Variants in SPIDR observed in about 807,000 individuals in gnomAD.
SPIDR encodes DNA repair-scaffolding protein.
In SPIDR, 93 loss-of-function variants were observed where a neutral mutation model predicts 104.6. The observed-to-expected ratio is 0.89, with a 90% CI of 0.75 to 1.06. The LOEUF (loss-of-function observed/expected upper bound fraction) is 1.06. Ranked by LOEUF, SPIDR falls within the 50% of genes least tolerant of loss-of-function variation. The pLI is 0.00. For synonymous variants in SPIDR, 431 were observed against 416.9 expected, an observed-to-expected ratio of 1.03 and a Z score of -0.41; for missense variants, 1,154 against 1,111.2, an observed-to-expected ratio of 1.04 and a Z score of -0.55.
chr8:47,372,272 T>A (rs970736813), intron 5 of SPIDR, among the ~76,000 whole-genome samples: 1 of 152,212 alleles, frequency 6.6e-6, no homozygotes, highest in Admixed American at 6.5e-5. Flanking sequence ...ATAGTAAACA[T>A]GTAATTAGTG....
At chr8:47,321,754 A>T (rs7828350) in intron 5 of SPIDR, among the ~76,000 whole-genome samples, 1 of 151,936 alleles carries the variant, frequency 6.6e-6, no homozygotes, top group African/African-American at 2.4e-5. Context: ...GAGATATAGA[A>T]CAATGGAACA....
chr8:47,673,331 C>G, intron 10 of SPIDR: 1 of 447,756 alleles, frequency 2.2e-6, no homozygotes, highest in South Asian at 1.6e-5. Flanking sequence ...CAGAGAATGC[C>G]TCTTATTGTT....
chr8:47,379,253 TAAG>T, intron 5 of SPIDR, among the ~76,000 whole-genome samples: 3 of 152,260 alleles, frequency 2.0e-5, no homozygotes, highest in Admixed American at 2.0e-4. Flanking sequence ...CAACATATAA[TAAG>T]AAGTTAGAAG....
Position 47,729,480 on chromosome 8 carries a change from C to A in SPIDR, c.2604+15C>A, listed in dbSNP as rs568346034. The A allele has an allele frequency of 4.2e-4, 671 of 1,590,308 alleles. 2 individuals carry two copies. The highest frequency in any genetic ancestry group is 2.0e-3 in the Middle Eastern group (12 of 6,028). Reference sequence around the variant, plus strand: ...GTGAAGATGGGGTAAGTGCAGGGGGCCCAGCCCAGGGGGCCGCACACTCAG... The same window carrying A: ...GTGAAGATGGGGTAAGTGCAGGGGGACCAGCCCAGGGGGCCGCACACTCAG... On this transcript the variant is annotated intron_variant, in intron 19 of 19. Coordinates refer to ENST00000297423, the MANE Select transcript of SPIDR (RefSeq NM_001080394.4).
intron 5 of SPIDR, among the ~76,000 whole-genome samples, chr8:47,320,359 A>G (rs1407970751): frequency 6.6e-6 from 1 of 152,240 alleles, no homozygotes; most frequent in Non-Finnish European, 1.5e-5. Flanking sequence ...AGAAATGGAT[A>G]CATTCCTGGA....
At chr8:47,399,728 C>G (rs528358020) in intron 6 of SPIDR, among the ~76,000 whole-genome samples, 8 of 152,070 alleles carry the variant, frequency 5.3e-5, no homozygotes, top group Non-Finnish European at 1.0e-4. Context: ...ACAGGAGTTC[C>G]GAGAGTAGCA....
At chr8:47,516,055 C>T (rs910074295) in intron 8 of SPIDR, among the ~76,000 whole-genome samples, 15 of 152,232 alleles carry the variant, frequency 9.9e-5, no homozygotes, top group Non-Finnish European at 1.6e-4. Context: ...GTGATCCGCC[C>T]GCCTCGGCCT....
chr8:47,696,464 GA>G (rs1189021483), intron 11 of SPIDR, among the ~76,000 whole-genome samples: 1 of 152,094 alleles, frequency 6.6e-6, no homozygotes, highest in Non-Finnish European at 1.5e-5. Context: ...AGCAAATTTG[GA>G]AATGTTTTTA....
intron 8 of SPIDR, among the ~76,000 whole-genome samples, chr8:47,467,704 C>T (rs1554718444): frequency 1.3e-5 from 2 of 152,092 alleles, no homozygotes; most frequent in African/African-American, 4.8e-5. Context: ...AAGGAACATA[C>T]CTCAAAATAA....
In SPIDR at chr8:47,625,979, T is replaced by A. The variant is rs541479367; in HGVS notation, c.1544+26783T>A. On this transcript the variant is annotated intron_variant, in intron 10 of 19. Transcript: ENST00000297423. The stretch of plus-strand genomic sequence containing the variant: ...AGCTGGAGGTATCACACTACCTGAC[T>A]TCAAACTATACTACAAGGCTACAGT... 3.9e-5 allele frequency among the ~76,000 whole-genome samples: 6 copies of A among 152,326 alleles called. No homozygotes were observed. In the East Asian group the frequency reaches 1.2e-3, roughly 29 times the overall value.
At chr8:47,639,805 G>A (rs937312590) in intron 10 of SPIDR, among the ~76,000 whole-genome samples, 3 of 151,800 alleles carry the variant, frequency 2.0e-5, no homozygotes, top group East Asian at 3.9e-4. Context: ...AAAATTAGCC[G>A]GGCTTGATGT....
intron 5 of SPIDR, among the ~76,000 whole-genome samples, chr8:47,389,549 C>T (rs549711755): frequency 9.2e-4 from 140 of 151,760 alleles, no homozygotes; most frequent in African/African-American, 3.3e-3. Context: ...ATTAGCTGGG[C>T]GTGGTGGTGG....
chr8:47,353,131 A>G (rs1301286217), intron 5 of SPIDR, among the ~76,000 whole-genome samples: 3 of 149,228 alleles, frequency 2.0e-5, no homozygotes, highest in African/African-American at 7.4e-5. Context: ...TTAAATTTTT[A>G]TTCAAAAAGT....
At chr8:47,456,486 G>A (rs1453894220) in intron 8 of SPIDR, among the ~76,000 whole-genome samples, 1 of 152,058 alleles carries the variant, frequency 6.6e-6, no homozygotes, top group Admixed American at 6.6e-5. Context: ...TATCTTTTCT[G>A]TTCACAATGG....
chr8:47,417,138 A>C (rs2064485038), intron 7 of SPIDR, among the ~76,000 whole-genome samples: 1 of 152,202 alleles, frequency 6.6e-6, no homozygotes, highest in South Asian at 2.1e-4. Context: ...TTGGGTATAT[A>C]CCCAGTAATG....
intron 5 of SPIDR, among the ~76,000 whole-genome samples, chr8:47,326,835 G>A (rs1200517532): frequency 3.3e-5 from 5 of 152,212 alleles, no homozygotes; most frequent in Non-Finnish European, 7.4e-5. Context: ...TATGCCACAC[G>A]TTGTTTAGCC....
chr8:47,686,150 G>C (rs761219851), intron 11 of SPIDR, among the ~76,000 whole-genome samples: 6 of 152,180 alleles, frequency 3.9e-5, no homozygotes, highest in Non-Finnish European at 7.3e-5. Context: ...GAGTCCAGCA[G>C]CATAGTCTGA....
At chr8:47,547,669 G>T in intron 8 of SPIDR, 1 of 157,996 alleles carries the variant, frequency 6.3e-6, no homozygotes, top group South Asian at 1.8e-4. Context: ...TTGACCTCGT[G>T]ATCCGCCCGC....
intron 11 of SPIDR, among the ~76,000 whole-genome samples, chr8:47,692,939 G>A (rs568328962): frequency 2.0e-5 from 3 of 152,360 alleles, no homozygotes; most frequent in African/African-American, 7.2e-5. Flanking sequence ...TAGACAGCAA[G>A]GAGATGAATG....
Sources: allele counts gnomAD v4.1 joint callset (sites outside exome capture counted in the v4.1 genomes callset), GRCh38; gene constraint gnomAD v4.1.1; transcripts MANE v1.5; gene names NCBI Gene and HGNC (gene_info 2026-07-23, HGNC 2026-07-21).